Variants in DMXL2 observed in about 807,000 individuals in gnomAD.
The protein encoded by DMXL2 is Dmx like 2.
In DMXL2, 103 loss-of-function variants were observed where a neutral mutation model predicts 331.1. The ratio of observed to expected loss-of-function variants is 0.31; its 90% CI spans 0.27 to 0.37. The LOEUF (loss-of-function observed/expected upper bound fraction) is 0.37. Ranked by LOEUF, DMXL2 falls within the 10% of genes least tolerant of loss-of-function variation. The pLI, the probability that DMXL2 is intolerant of heterozygous loss-of-function variation, is 1.00. For missense variants in DMXL2, 3,171 were observed against 3,642.9 expected, an observed-to-expected ratio of 0.87 and a Z score of 3.33; for synonymous variants, 1,281 against 1,252.1, an observed-to-expected ratio of 1.02 and a Z score of -0.49.
intron 19 of DMXL2, among the ~76,000 whole-genome samples, chr15:51,492,694 C>T (rs2042896868): frequency 6.6e-6 from 1 of 152,110 alleles, no homozygotes; most frequent in South Asian, 2.1e-4. Context: ...GAATGGTAAT[C>T]AATAATGGGA....
chr15:51,519,442 C>T lies in DMXL2; in HGVS notation c.2437-2275G>A, dbSNP rs191320904. Among the ~76,000 whole-genome samples the T allele has an allele frequency of 2.0e-5, 3 of 151,644 alleles. No individual in the cohort carries two copies. The East Asian group carries it at 5.9e-4, about 30-fold the overall frequency. The stretch of plus-strand genomic sequence containing the variant: ...TGTAGTTAACATTTTTCCAGAACAT[C>T]AAAGTAGTTAAAAAATGCTAAAAAA... On this transcript the variant is annotated intron_variant, in intron 13 of 43. Coordinates refer to ENST00000560891, the MANE Select transcript of DMXL2 (RefSeq NM_001378457.1).
At chr15:51,479,679 T>C (rs1010443997) in intron 25 of DMXL2, among the ~76,000 whole-genome samples, 1 of 152,208 alleles carries the variant, frequency 6.6e-6, no homozygotes, top group Non-Finnish European at 1.5e-5. Flanking sequence ...ATGGAGGATC[T>C]AAAGGGATAT....
At chr15:51,587,163 A>G (rs965840699) in intron 1 of DMXL2, among the ~76,000 whole-genome samples, 4 of 152,214 alleles carry the variant, frequency 2.6e-5, no homozygotes, top group Admixed American at 2.0e-4. Context: ...TTCTAAAGAA[A>G]TAAAAATAAC....
intron 15 of DMXL2, among the ~76,000 whole-genome samples, chr15:51,509,850 T>C (rs2046645001): frequency 6.6e-6 from 1 of 152,182 alleles, no homozygotes; most frequent in Non-Finnish European, 1.5e-5. Flanking sequence ...TCAAAAAGCT[T>C]ATCCACCACG....
chr15:51,562,200 C>A (rs531939969), intron 6 of DMXL2, among the ~76,000 whole-genome samples: 1 of 152,044 alleles, frequency 6.6e-6, no homozygotes, highest in South Asian at 2.1e-4. Context: ...TTACACATTA[C>A]GCATGTATCA....
intron 1 of DMXL2, among the ~76,000 whole-genome samples, chr15:51,609,651 G>A (rs574233535): frequency 2.6e-5 from 4 of 152,112 alleles, no homozygotes; most frequent in Admixed American, 6.5e-5. Flanking sequence ...GTTTGTGGCC[G>A]GGTGTGGTGG....
chr15:51,498,543 A>T lies in DMXL2; in HGVS notation c.4672+9T>A. 2 of 1,592,840 alleles carry T rather than the reference A, an allele frequency of 1.3e-6. No individual in the cohort carries two copies. Among genetic ancestry groups the T allele is most frequent in the South Asian group, 1.1e-5 (1 of 87,592 alleles). Reference sequence around the variant, plus strand: ...TACAACTTTATAAATTTTTAGCGAGAATATTTACCTGAGCAACTCTTATCT... The same window carrying T: ...TACAACTTTATAAATTTTTAGCGAGTATATTTACCTGAGCAACTCTTATCT... On this transcript the variant is annotated intron_variant, in intron 18 of 43. Transcript: ENST00000560891.
At chr15:51,461,485 A>G (rs2040117766) in intron 33 of DMXL2, among the ~76,000 whole-genome samples, 1 of 152,224 alleles carries the variant, frequency 6.6e-6, no homozygotes, top group South Asian at 2.1e-4. Context: ...TTGAAGAACA[A>G]AACACTCAGA....
At chr15:51,538,177 T>C in intron 10 of DMXL2, 36 bp downstream of exon 10, 1 of 1,582,066 alleles carries the variant, frequency 6.3e-7, no homozygotes, top group East Asian at 2.3e-5. Context: ...AGCTGTTAAC[T>C]TTGGAGTAAG....
chr15:51,521,600 C>G (rs1478427462), intron 13 of DMXL2, among the ~76,000 whole-genome samples: 1 of 152,012 alleles, frequency 6.6e-6, no homozygotes, highest in Non-Finnish European at 1.5e-5. Context: ...GAGCATCCAT[C>G]CTATATTTTA....
At chr15:51,486,384 TAG>T in intron 22 of DMXL2, 47 bp from the exon 23 acceptor site, 1 of 1,362,962 alleles carries the variant, frequency 7.3e-7, no homozygotes, top group Non-Finnish European at 1.0e-6. Context: ...GATAATTATT[TAG>T]AGAGATGAAA....
chr15:51,474,404 C>T lies in DMXL2; in HGVS notation c.7153G>A (p.Val2385Ile). ...HPLNNRMWAA[V>I]FGGGVKLVVK... The stretch of plus-strand genomic sequence containing the variant: ...ACAAGTTTTACACCGCCTCCAAAAA[C>T]AGCAGCCCACATTCGATTATTTAAT... The change falls in exon 28 of 44, where the codon GTT becomes ATT. Residue 2385 changes from valine (V) to isoleucine (I), a missense_variant. Transcript: ENST00000560891. 1 of 1,614,016 alleles carries T rather than the reference C, an allele frequency of 6.2e-7. No individual in the cohort carries two copies. Among genetic ancestry groups the T allele is most frequent in the Non-Finnish European group, 8.5e-7 (1 of 1,179,878 alleles).
chr15:51,536,569 A>C lies in DMXL2; in HGVS notation c.1911T>G (p.Val637=). 4 of 1,614,034 alleles carry C rather than the reference A, an allele frequency of 2.5e-6. No individual in the cohort carries two copies. Among genetic ancestry groups the C allele is most frequent in the Non-Finnish European group, 3.4e-6 (4 of 1,179,974 alleles). ...TFADKSAFTT[V]LTVSHKFRYC... ...ATCTAAATTTGTGAGATACAGTTAG[A>C]ACAGTGGTAAAGGCAGACTTATCAG... Residue 637 remains valine, a synonymous_variant, in exon 12 of 44, where the codon GTT becomes GTG. Transcript: ENST00000560891.
chr15:51,599,090 C>G (rs571268668), intron 1 of DMXL2, among the ~76,000 whole-genome samples: 2 of 152,188 alleles, frequency 1.3e-5, no homozygotes, highest in African/African-American at 4.8e-5. Context: ...TTATAATCCA[C>G]TATCATTTAT....
intron 1 of DMXL2, among the ~76,000 whole-genome samples, chr15:51,595,970 G>A (rs564180722): frequency 6.6e-6 from 1 of 152,238 alleles, no homozygotes; most frequent in South Asian, 2.1e-4. Flanking sequence ...AAAAACCCTA[G>A]AAGAAAACCT....
At position 51,536,697 on chromosome 15, in the gene DMXL2, G is replaced by A. The variant is rs1171908648; in HGVS notation, c.1783C>T (p.His595Tyr). 2 of 1,614,068 alleles carry A rather than the reference G, an allele frequency of 1.2e-6. No homozygotes were observed. The highest frequency in any genetic ancestry group is 2.2e-5 in the East Asian group (1 of 44,882). ...SVGSPHGSQP[H>Y]SRSHSTHMNI... ...ATATGTGTACTGTGGGATCTAGAGT[G>A]TGGCTGTGATCCGTGAGGACTGCCT... The change falls in exon 12 of 44, where the codon CAC becomes TAC. Residue 595 changes from histidine to tyrosine, a missense_variant. Physicochemically the swap from His to Tyr is moderately conservative, Grantham distance 83. Coordinates refer to ENST00000560891, the MANE Select transcript of DMXL2 (RefSeq NM_001378457.1).
intron 13 of DMXL2, among the ~76,000 whole-genome samples, chr15:51,528,587 T>C (rs1356105335): frequency 6.6e-6 from 1 of 152,116 alleles, no homozygotes; most frequent in East Asian, 1.9e-4. Context: ...CAATTTTAAA[T>C]GTATATGCAC....
At chr15:51,521,668 A>T (rs2047389735) in intron 13 of DMXL2, among the ~76,000 whole-genome samples, 2 of 152,158 alleles carry the variant, frequency 1.3e-5, no homozygotes, top group Non-Finnish European at 2.9e-5. Flanking sequence ...GAGGCCAATT[A>T]AATGAATTTC....
At chr15:51,580,848 T>C (rs985613004) in intron 1 of DMXL2, among the ~76,000 whole-genome samples, 2 of 152,216 alleles carry the variant, frequency 1.3e-5, no homozygotes, top group African/African-American at 4.8e-5. Context: ...ATCCTATTCT[T>C]ATAGACCAAA....
Sources: gnomAD v4.1 joint callset for allele counts (sites outside exome capture counted in the v4.1 genomes callset) on GRCh38, gnomAD v4.1.1 for gene constraint, MANE v1.5 for transcripts, NCBI Gene and HGNC (gene_info 2026-07-23, HGNC 2026-07-21) for gene names.